G3BP1: variants seen among roughly 807,000 people sequenced by gnomAD.
The protein encoded by G3BP1 is ras GTPase-activating protein-binding protein 1.
In G3BP1, 35 loss-of-function variants were observed where a neutral mutation model predicts 58.6. The observed-to-expected ratio is 0.60, with a 90% CI of 0.46 to 0.79. G3BP1 has a LOEUF of 0.79. Among genes scored for constraint, G3BP1 ranks in the 30% least tolerant of loss-of-function variants. The probability of loss-of-function intolerance (pLI) is 0.00; values close to 1 mark genes in which losing one functional copy is unlikely to be tolerated. For missense variants in G3BP1, 523 were observed against 580.8 expected (o/e 0.90, Z 1.02); for synonymous variants, 191 against 195.4 (o/e 0.98, Z 0.19).
intron 1 of G3BP1, among the ~76,000 whole-genome samples, chr5:151,783,019 G>A (rs1180177435): frequency 6.6e-6 from 1 of 151,778 alleles, no homozygotes; most frequent in East Asian, 1.9e-4. Flanking sequence ...CACCATGCTT[G>A]GCTAATTTTT....
rs1762907127 is a variant in G3BP1, at chr5:151,804,277, T to TA, written c.*187dup. The TA allele has an allele frequency of 2.5e-6, 1 of 406,778 alleles. No homozygotes were observed. The highest frequency in any genetic ancestry group is 4.3e-6 in the Non-Finnish European group (1 of 230,862). 25.2% of individuals were successfully genotyped at this position (406,778 alleles called of 1,614,324 possible). A position where few individuals can be genotyped will look rare whatever the true frequency, so the allele number is the denominator to read the frequency against. On this transcript the variant is annotated 3_prime_UTR_variant, in exon 12 of 12. Transcript: ENST00000356245. Reference sequence around the variant, plus strand: ...TCCCTCTCTTCCCTTTCCTGACCTTTAGTCTTTCACTTCCAATTTTGTGGA... The same window carrying TA: ...TCCCTCTCTTCCCTTTCCTGACCTTTAAGTCTTTCACTTCCAATTTTGTGGA...
At chr5:151,790,130 A>AT (rs1762624926) in intron 2 of G3BP1, among the ~76,000 whole-genome samples, 193 bp from the exon 3 acceptor site, 1 of 150,098 alleles carries the variant, frequency 6.7e-6, no homozygotes, top group Non-Finnish European at 1.5e-5. Flanking sequence ...AAAAAAAAAA[A>AT]TGTGCACATC....
At chr5:151,785,143 G>A (rs1013405934) in intron 1 of G3BP1, among the ~76,000 whole-genome samples, 4 of 152,140 alleles carry the variant, frequency 2.6e-5, no homozygotes, top group South Asian at 2.1e-4. Flanking sequence ...GTGAGCCACC[G>A]TGACCAGCCA....
intron 1 of G3BP1, among the ~76,000 whole-genome samples, chr5:151,779,046 T>TAA (rs200862248): frequency 6.9e-6 from 1 of 144,672 alleles, no homozygotes; most frequent in African/African-American, 2.5e-5. Flanking sequence ...AGATTCCTTC[T>TAA]AAAAAAAAAA....
In G3BP1 at chr5:151,804,988, C is replaced by T. The variant is rs1251087437; in HGVS notation, c.*897C>T. Reference sequence around the variant, plus strand: ...GAGTATGTGGGGAATTATAGAATCCCTCTTTCATCACTTTGTGTATGTCTT... The same window carrying T: ...GAGTATGTGGGGAATTATAGAATCCTTCTTTCATCACTTTGTGTATGTCTT... On this transcript the variant is annotated 3_prime_UTR_variant, in exon 12 of 12. Transcript: ENST00000356245. 6.6e-6 allele frequency: 1 copy of T among 152,422 alleles called. No homozygotes were observed. The highest frequency in any genetic ancestry group is 1.5e-5 in the Non-Finnish European group (1 of 67,992). The allele number at this position is 152,422 out of a possible 1,614,324, so 9.4% of individuals were successfully genotyped here.
At position 151,800,020 on chromosome 5, in the gene G3BP1, A is replaced by G; in HGVS notation, c.955+20A>G. On this transcript the variant is annotated intron_variant, in intron 9 of 11. Coordinates refer to ENST00000356245, the MANE Select transcript of G3BP1 (RefSeq NM_005754.3). ...GACCAAGTAAGAGCTCAGAAGGGCG[A>G]TTTCTCGTTTGGGGGATTTTGAGGT... 3 of 1,483,940 alleles carry G rather than the reference A, an allele frequency of 2.0e-6. No individual in the cohort carries two copies. Among genetic ancestry groups the G allele is most frequent in the Non-Finnish European group, 1.9e-6 (2 of 1,067,984 alleles). 91.9% of individuals were successfully genotyped at this position (1,483,940 alleles called of 1,614,324 possible).
intron 4 of G3BP1, 39 bp from the exon 5 acceptor site, chr5:151,794,120 G>A: frequency 8.1e-7 from 1 of 1,235,686 alleles, no homozygotes; most frequent in Non-Finnish European, 1.2e-6. Context: ...CTTTCTAAAA[G>A]TCTGTTGAAT....
intron 10 of G3BP1, 51 bp from the exon 11 acceptor site, chr5:151,800,709 G>A: frequency 9.1e-7 from 1 of 1,101,562 alleles, no homozygotes; most frequent in Non-Finnish European, 1.4e-6. Context: ...TACATGTAAT[G>A]TTTAAAGATA....
At chr5:151,798,451 G>A (rs1387958652) in intron 7 of G3BP1, among the ~76,000 whole-genome samples, 1 of 152,204 alleles carries the variant, frequency 6.6e-6, no homozygotes, top group African/African-American at 2.4e-5. Context: ...ATGATGGCTT[G>A]AATTAGAGTT....
chr5:151,800,046 G>A (rs1274444306), intron 9 of G3BP1, 46 bp downstream of exon 9: 1 of 1,340,668 alleles, frequency 7.5e-7, no homozygotes, highest in East Asian at 2.3e-5. Flanking sequence ...ATTTTGAGGT[G>A]AGAGCTTATT....
rs140745958 is a variant in G3BP1, at chr5:151,811,941, C to T, written c.*7850C>T. The T allele has an allele frequency of 6.6e-6, 1 of 152,238 alleles. No homozygotes were observed. The highest frequency in any genetic ancestry group is 2.4e-5 in the African/African-American group (1 of 41,548). The allele number at this position is 152,238 out of a possible 1,614,324, so 9.4% of individuals were successfully genotyped here. ...ACTTTGTAATTCTGACCTGATTTTC[C>T]AGGCCAATTAATTAAAATGTCCCCA... On this transcript the variant is annotated 3_prime_UTR_variant, in exon 12 of 12. Coordinates refer to ENST00000356245, the MANE Select transcript of G3BP1 (RefSeq NM_005754.3).
At chr5:151,775,881 A>C (rs1762361114) in intron 1 of G3BP1, among the ~76,000 whole-genome samples, 1 of 152,196 alleles carries the variant, frequency 6.6e-6, no homozygotes, top group African/African-American at 2.4e-5. Flanking sequence ...AGTATTTTTG[A>C]GATAAAGTAA....
At chr5:151,781,949 A>T (rs1268150303) in intron 1 of G3BP1, among the ~76,000 whole-genome samples, 2 of 152,032 alleles carry the variant, frequency 1.3e-5, no homozygotes, top group South Asian at 4.1e-4. Flanking sequence ...GCTCAACTGT[A>T]GTTCATCCAA....
chr5:151,786,824 A>G, intron 2 of G3BP1, 109 bp downstream of exon 2: 1 of 707,292 alleles, frequency 1.4e-6, no homozygotes, highest in Non-Finnish European at 2.5e-6. Flanking sequence ...GTTGCATAAT[A>G]CTTATTTACA....
At chr5:151,801,486 ATAATAT>A (rs1210657977) in intron 11 of G3BP1, among the ~76,000 whole-genome samples, 4 of 152,362 alleles carry the variant, frequency 2.6e-5, no homozygotes, top group South Asian at 2.1e-4. Flanking sequence ...AAGTGTATAA[ATAATAT>A]TAATTTACTA....
chr5:151,774,738 G>T (rs1376886351), intron 1 of G3BP1, among the ~76,000 whole-genome samples: 2 of 150,814 alleles, frequency 1.3e-5, no homozygotes, highest in Middle Eastern at 3.4e-3. Context: ...GGAAAGCCTC[G>T]CCCGCCCCCC....
chr5:151,790,869 A>G lies in G3BP1; in HGVS notation c.178-20A>G. 7.3e-7 allele frequency: 1 copy of G among 1,366,598 alleles called. No homozygotes were observed. Among genetic ancestry groups the G allele is most frequent in the Non-Finnish European group, 1.0e-6 (1 of 984,300 alleles). The allele number at this position is 1,366,598 out of a possible 1,614,324, so 84.7% of individuals were successfully genotyped here. A position where few individuals can be genotyped will look rare whatever the true frequency, so the allele number is the denominator to read the frequency against. ...AAGGCATTCTCAGTTGATTATTATT[A>G]TTATTATTATTTTTTTAAGGAAATC... is the stretch of plus-strand genomic sequence containing the variant. On this transcript the variant is annotated intron_variant, in intron 3 of 11. Coordinates refer to ENST00000356245, the MANE Select transcript of G3BP1 (RefSeq NM_005754.3).
chr5:151,782,646 G>A (rs1275831120), intron 1 of G3BP1, among the ~76,000 whole-genome samples: 1 of 152,122 alleles, frequency 6.6e-6, no homozygotes, highest in Non-Finnish European at 1.5e-5. Flanking sequence ...TGTGCTGAGA[G>A]TGTTTATAAA....
Position 151,806,571 on chromosome 5 carries a change from T to C in G3BP1, c.*2480T>C, listed in dbSNP as rs1762941087. ...ACTGTTGAGAATCCTTGTACAATTA[T>C]GTACATTATTGCATGTAGAGTAAAC... On this transcript the variant is annotated 3_prime_UTR_variant, in exon 12 of 12. Transcript: ENST00000356245. 1 of 152,212 alleles carries C rather than the reference T, an allele frequency of 6.6e-6. No homozygotes were observed. The highest frequency in any genetic ancestry group is 6.5e-5 in the Admixed American group (1 of 15,274). 9.4% of individuals were successfully genotyped at this position (152,212 alleles called of 1,614,324 possible).
Sources: gnomAD v4.1 joint callset for allele counts (sites outside exome capture counted in the v4.1 genomes callset) on GRCh38, gnomAD v4.1.1 for gene constraint, MANE v1.5 for transcripts, NCBI Gene and HGNC (gene_info 2026-07-23, HGNC 2026-07-21) for gene names.